The following CADM2 variants were observed in gnomAD, a reference collection of about 807,000 sequenced individuals.
CADM2 encodes the protein cell adhesion molecule 2.
CADM2 carries 12 observed loss-of-function variants against 49.8 expected under a neutral mutation model. That is an observed-to-expected ratio of 0.24 (90% CI 0.15 to 0.39). The LOEUF is 0.39. Ranked by LOEUF, CADM2 falls within the 10% of genes least tolerant of loss-of-function variation. The probability of loss-of-function intolerance (pLI) is 1.00; values close to 1 mark genes in which losing one functional copy is unlikely to be tolerated. For synonymous variants in CADM2, 214 were observed against 175.4 expected (o/e 1.22, Z -1.74); for missense variants, 378 against 492.3 (o/e 0.77, Z 2.20).
At chr3:85,391,589 A>G (rs1437582378) in intron 1 of CADM2, among the ~76,000 whole-genome samples, 1 of 152,140 alleles carries the variant, frequency 6.6e-6, no homozygotes, top group African/African-American at 2.4e-5. Context: ...CTGACACAAC[A>G]GAAGAATTAT....
chr3:86,061,991 G>GT (rs71128114), intron 8 of CADM2, among the ~76,000 whole-genome samples: 26,269 of 149,790 alleles, frequency 0.18, 2,358 homozygotes, highest in South Asian at 0.23. Context: ...GATGGTGGGG[G>GT]GGGGGTTGAA....
chr3:85,492,619 A>G (rs1337112416), intron 1 of CADM2, among the ~76,000 whole-genome samples: 1 of 152,106 alleles, frequency 6.6e-6, no homozygotes, highest in African/African-American at 2.4e-5. Flanking sequence ...ATAAAAGTAA[A>G]TGGAATATTT....
chr3:84,981,462 G>A (rs1278425754), intron 1 of CADM2, among the ~76,000 whole-genome samples: 1 of 152,040 alleles, frequency 6.6e-6, no homozygotes, highest in African/African-American at 2.4e-5. Flanking sequence ...ATCTATACAT[G>A]AGTATGGAGA....
chr3:85,188,258 T>C (rs2041111841), intron 1 of CADM2, among the ~76,000 whole-genome samples: 1 of 152,126 alleles, frequency 6.6e-6, no homozygotes, highest in Non-Finnish European at 1.5e-5. Context: ...ATTTTTATTT[T>C]AGTGCTATGT....
chr3:85,522,055 T>C (rs1374528594), intron 1 of CADM2, among the ~76,000 whole-genome samples: 2 of 152,150 alleles, frequency 1.3e-5, no homozygotes, highest in African/African-American at 4.8e-5. Flanking sequence ...AGTATTTATT[T>C]TTGTTTCCTT....
chr3:85,552,500 C>A (rs1007951828), intron 1 of CADM2, among the ~76,000 whole-genome samples: 2 of 149,618 alleles, frequency 1.3e-5, no homozygotes, highest in South Asian at 4.2e-4. Flanking sequence ...CCTGCCTCAG[C>A]CTACCGAGTA....
rs184057823 is a variant in CADM2, at chr3:85,199,755, A to T, written c.61+240087A>T. The stretch of plus-strand genomic sequence containing the variant: ...TCTAACTTCAAGTCTATAATAATTA[A>T]GTGGGGAAAACAAACCTGTAGTCAA... On this transcript the variant is annotated intron_variant, in intron 1 of 9. Coordinates refer to ENST00000383699, the MANE Select transcript of CADM2 (RefSeq NM_001167675.2). Among the ~76,000 whole-genome samples the T allele has an allele frequency of 2.0e-3, 306 of 152,172 alleles. 4 individuals carry two copies. The highest frequency in any genetic ancestry group is 0.017 in the Admixed American group (259 of 15,266).
intron 8 of CADM2, among the ~76,000 whole-genome samples, chr3:86,047,741 C>T (rs17024547): frequency 0.034 from 5,252 of 152,234 alleles, 180 homozygotes; most frequent in African/African-American, 0.085. Flanking sequence ...TTTATGGCCA[C>T]TATCTCACAA....
At chr3:85,105,205 G>T (rs1471353521) in intron 1 of CADM2, among the ~76,000 whole-genome samples, 1 of 152,012 alleles carries the variant, frequency 6.6e-6, no homozygotes, top group African/African-American at 2.4e-5. Flanking sequence ...ATCTGACAAA[G>T]GGCTAATATG....
intron 1 of CADM2, among the ~76,000 whole-genome samples, chr3:85,262,723 C>A (rs2043039139): frequency 6.6e-6 from 1 of 151,920 alleles, no homozygotes; most frequent in African/African-American, 2.4e-5. Flanking sequence ...ATCCTGATAT[C>A]CAGGAAACTT....
At chr3:86,005,100 T>C (rs1271708443) in intron 8 of CADM2, among the ~76,000 whole-genome samples, 4 of 152,188 alleles carry the variant, frequency 2.6e-5, no homozygotes, top group Non-Finnish European at 4.4e-5. Context: ...GCACCTGCTG[T>C]ACTTGTAGAT....
intron 8 of CADM2, among the ~76,000 whole-genome samples, chr3:85,962,704 T>C (rs1387931769): frequency 6.6e-6 from 1 of 151,904 alleles, no homozygotes; most frequent in African/African-American, 2.4e-5. Flanking sequence ...ATTGTATATG[T>C]CAGGGTGCAT....
At chr3:85,205,606 G>C (rs540576094) in intron 1 of CADM2, among the ~76,000 whole-genome samples, 2 of 151,990 alleles carry the variant, frequency 1.3e-5, no homozygotes, top group African/African-American at 4.8e-5. Flanking sequence ...TGTTTAAAAA[G>C]AGTAAAAAGT....
At chr3:85,368,078 G>A (rs114851611) in intron 1 of CADM2, among the ~76,000 whole-genome samples, 1,773 of 151,986 alleles carry the variant, frequency 0.012, 32 homozygotes, top group African/African-American at 0.041. Context: ...ACTTTTTATG[G>A]CCCCTTAGCA....
chr3:85,552,482 G>A (rs958319337), intron 1 of CADM2, among the ~76,000 whole-genome samples: 31 of 142,464 alleles, frequency 2.2e-4, no homozygotes, highest in Admixed American at 1.1e-3. Flanking sequence ...CCGGGTTCAC[G>A]CCATTCTCCT....
At chr3:85,568,228 A>T (rs542809491) in intron 1 of CADM2, among the ~76,000 whole-genome samples, 1 of 152,338 alleles carries the variant, frequency 6.6e-6, no homozygotes, top group Admixed American at 6.5e-5. Context: ...GACAGACTAC[A>T]GTCCAAATAA....
chr3:85,012,057 T>C (rs948862599), intron 1 of CADM2, among the ~76,000 whole-genome samples: 1 of 150,558 alleles, frequency 6.6e-6, no homozygotes, highest in Admixed American at 6.6e-5. Flanking sequence ...CATTGAGATA[T>C]AATGGCGAAG....
At chr3:85,497,241 C>A (rs1477103823) in intron 1 of CADM2, among the ~76,000 whole-genome samples, 2 of 151,950 alleles carry the variant, frequency 1.3e-5, no homozygotes, top group Non-Finnish European at 2.9e-5. Context: ...GAATATTAGT[C>A]CCTTCTCAGG....
At chr3:85,510,091 CT>C (rs2040545338) in intron 1 of CADM2, among the ~76,000 whole-genome samples, 1 of 151,796 alleles carries the variant, frequency 6.6e-6, no homozygotes. Context: ...AAAAGAAATA[CT>C]TATAAGCAAA....
Sources: allele counts gnomAD v4.1 joint callset (sites outside exome capture counted in the v4.1 genomes callset), GRCh38; gene constraint gnomAD v4.1.1; transcripts MANE v1.5; gene names NCBI Gene and HGNC (gene_info 2026-07-23, HGNC 2026-07-21).